Variants in HLCS observed in about 807,000 individuals in gnomAD.
HLCS encodes the protein biotin--protein ligase.
A neutral mutation model predicts 75.0 loss-of-function variants in HLCS; 53 were observed. The ratio of observed to expected loss-of-function variants is 0.71; its 90% confidence interval spans 0.57 to 0.89. The LOEUF is 0.89. HLCS is among the 40% of genes least tolerant of loss of function. HLCS has a pLI of 0.00. For missense variants in HLCS, 966 were observed against 1,074.0 expected, an observed-to-expected ratio of 0.90 and a Z score of 1.41; for synonymous variants, 431 against 428.6, an observed-to-expected ratio of 1.01 and a Z score of -0.07.
At chr21:36,767,521 A>G (rs2090083027) in intron 6 of HLCS, among the ~76,000 whole-genome samples, 1 of 152,168 alleles carries the variant, frequency 6.6e-6, no homozygotes, top group Admixed American at 6.5e-5. Flanking sequence ...TCAAAAAAAG[A>G]GCATGCGAGG....
chr21:36,883,501 C>A (rs549969111), intron 6 of HLCS, among the ~76,000 whole-genome samples: 1 of 152,220 alleles, frequency 6.6e-6, no homozygotes, highest in Non-Finnish European at 1.5e-5. Flanking sequence ...TGAACACTAA[C>A]GTCTAAGAAT....
At chr21:36,839,138 G>A (rs2062527251) in intron 6 of HLCS, among the ~76,000 whole-genome samples, 1 of 152,182 alleles carries the variant, frequency 6.6e-6, no homozygotes, top group African/African-American at 2.4e-5. Flanking sequence ...GATTAAATGG[G>A]ATTAAACACA....
rs9967991 is a variant in HLCS, at chr21:36,753,725, G to A, written c.*521C>T. 0.038 allele frequency: 6,673 copies of A among 173,682 alleles called. 472 individuals are homozygous for A. The highest frequency in any genetic ancestry group is 0.15 in the African/African-American group (6,187 of 41,668). 10.8% of individuals were successfully genotyped at this position (173,682 alleles called of 1,614,324 possible). On this transcript the variant is annotated 3_prime_UTR_variant, in exon 11 of 11. Coordinates refer to ENST00000674895, the MANE Select transcript of HLCS (RefSeq NM_001352514.2). The surrounding 1 kb of genome is among the most constrained non-coding windows in gnomAD (Gnocchi z 4.3). ...GGTGGACAGTAACTCTTGGAAGTCT[G>A]TCTTCCCTTTTCTTCATTAATAAAA... is the stretch of plus-strand genomic sequence containing the variant.
intron 9 of HLCS, among the ~76,000 whole-genome samples, chr21:36,757,267 C>A (rs2089640230): frequency 6.6e-6 from 1 of 152,170 alleles, no homozygotes; most frequent in Admixed American, 6.5e-5. Flanking sequence ...AGAAATGCAT[C>A]TTTTAATACT....
chr21:36,975,115 C>G (rs1362903677), intron 1 of HLCS: 1 of 152,092 alleles, frequency 6.6e-6, no homozygotes, highest in Non-Finnish European at 1.5e-5. Flanking sequence ...GATAGTCTGT[C>G]AGCATCTCAA....
At chr21:36,757,591 A>AT (rs1328856504) in intron 9 of HLCS, among the ~76,000 whole-genome samples, 3 of 152,220 alleles carry the variant, frequency 2.0e-5, no homozygotes, top group African/African-American at 7.2e-5. Context: ...AAGAAAAAAA[A>AT]TCCCCAAAAC....
Position 36,851,348 on chromosome 21 carries a change from C to CA in HLCS, c.1892+45511dup, listed in dbSNP as rs971672854. On this transcript the variant is annotated intron_variant, in intron 6 of 10. Transcript: ENST00000674895. ...TACACAATGGAGCACTATCCAGCCACAAAAAAGAATGCGATATTGTCATTT... is the reference window on the plus strand; with the variant it reads ...TACACAATGGAGCACTATCCAGCCACAAAAAAAGAATGCGATATTGTCATTT... 3.6e-3 allele frequency among the ~76,000 whole-genome samples: 542 copies of CA among 152,216 alleles called. 11 individuals carry two copies. Among genetic ancestry groups the CA allele is most frequent in the South Asian group, 8.3e-4 (4 of 4,822 alleles).
chr21:36,920,484 T>C (rs1184433600), intron 5 of HLCS, among the ~76,000 whole-genome samples: 1 of 152,138 alleles, frequency 6.6e-6, no homozygotes, highest in Non-Finnish European at 1.5e-5. Flanking sequence ...CAGTTAATAA[T>C]AATTTAACTG....
rs561865458 is a variant in HLCS, at chr21:36,791,976, AG to A, written c.1893-24692del. 1.7e-3 allele frequency among the ~76,000 whole-genome samples: 256 copies of A among 152,284 alleles called. 1 individual carries two copies. The highest frequency in any genetic ancestry group is 5.8e-3 in the African/African-American group (243 of 41,574). On this transcript the variant is annotated intron_variant, in intron 6 of 10. Coordinates refer to ENST00000674895, the MANE Select transcript of HLCS (RefSeq NM_001352514.2). ...GCAGGTTTCCCACTGTGAAGCCATCAGAAAGGCAGCGGAAAAAAACCTCATG... is the reference window on the plus strand; with the variant it reads ...GCAGGTTTCCCACTGTGAAGCCATCAAAAGGCAGCGGAAAAAAACCTCATG...
intron 6 of HLCS, among the ~76,000 whole-genome samples, chr21:36,881,677 G>T (rs1269048302): frequency 6.6e-6 from 1 of 152,206 alleles, no homozygotes; most frequent in Non-Finnish European, 1.5e-5. Context: ...CAGATGATCA[G>T]CCAGACATGA....
intron 6 of HLCS, among the ~76,000 whole-genome samples, chr21:36,793,294 TC>T (rs1382030377): frequency 7.1e-6 from 1 of 140,272 alleles, no homozygotes; most frequent in Non-Finnish European, 1.6e-5. Context: ...CAGGAAGCAG[TC>T]TTTTTTTTTT....
At chr21:36,975,961 A>G (rs2068927036) in intron 1 of HLCS, among the ~76,000 whole-genome samples, 1 of 152,184 alleles carries the variant, frequency 6.6e-6, no homozygotes, top group Non-Finnish European at 1.5e-5. Flanking sequence ...AAAGGAAGAA[A>G]CTGAATTTTA....
chr21:36,837,669 A>C (rs2062460510), intron 6 of HLCS, among the ~76,000 whole-genome samples: 2 of 152,248 alleles, frequency 1.3e-5, no homozygotes, highest in Non-Finnish European at 2.9e-5. Flanking sequence ...CCCATAGAAG[A>C]ATAAGGATTA....
intron 2 of HLCS, among the ~76,000 whole-genome samples, chr21:36,960,347 A>G (rs926668190): frequency 2.0e-4 from 30 of 152,210 alleles, no homozygotes; most frequent in African/African-American, 7.2e-4. Flanking sequence ...CGACACCCCA[A>G]GGATCCTGTG....
chr21:36,809,823 T>C (rs1239280423), intron 6 of HLCS, among the ~76,000 whole-genome samples: 1 of 152,168 alleles, frequency 6.6e-6, no homozygotes, highest in Admixed American at 6.5e-5. Context: ...ACTGCAGCCA[T>C]GACCTCCTGG....
At chr21:36,845,946 A>C (rs957589693) in intron 6 of HLCS, among the ~76,000 whole-genome samples, 1 of 152,196 alleles carries the variant, frequency 6.6e-6, no homozygotes, top group Non-Finnish European at 1.5e-5. Context: ...AGGTTGGGCA[A>C]ACCTAGATTC....
intron 6 of HLCS, among the ~76,000 whole-genome samples, chr21:36,778,176 A>G (rs559482625): frequency 6.1e-4 from 92 of 152,026 alleles, no homozygotes; most frequent in Non-Finnish European, 1.0e-3. Flanking sequence ...TCACCATGTT[A>G]GCCAGGATGG....
chr21:36,790,632 G>A (rs574100418), intron 6 of HLCS, among the ~76,000 whole-genome samples: 5 of 152,308 alleles, frequency 3.3e-5, no homozygotes, highest in African/African-American at 1.2e-4. Flanking sequence ...CTCAATGGCT[G>A]CCTTTCCCAC....
At position 36,767,297 on chromosome 21, in the gene HLCS, G is replaced by A; in HGVS notation, c.1893-12C>T. 6.2e-7 allele frequency: 1 copy of A among 1,614,072 alleles called. No homozygotes were observed. The highest frequency in any genetic ancestry group is 8.5e-7 in the Non-Finnish European group (1 of 1,179,942). On this transcript the variant is annotated splice_polypyrimidine_tract_variant and intron_variant, in intron 6 of 10. Coordinates refer to ENST00000674895, the MANE Select transcript of HLCS (RefSeq NM_001352514.2). Reference sequence around the variant, plus strand: ...TCTGAAACATCAGCCTGCCGAAGAGGGGGAAAGACCGGTTAGGCCAGACAT... The same window carrying A: ...TCTGAAACATCAGCCTGCCGAAGAGAGGGAAAGACCGGTTAGGCCAGACAT...
Sources: gnomAD v4.1 joint callset for allele counts (sites outside exome capture counted in the v4.1 genomes callset) on GRCh38, gnomAD v4.1.1 for gene constraint, Gnocchi (gnomAD v3.1) non-coding constraint, MANE v1.5 for transcripts, NCBI Gene and HGNC (gene_info 2026-07-23, HGNC 2026-07-21) for gene names.